The following TDRD5 variants were observed in gnomAD, a reference collection of about 807,000 sequenced individuals.
TDRD5 encodes the protein tudor domain containing 5.
A neutral mutation model predicts 120.6 loss-of-function variants in TDRD5; 41 were observed. The observed-to-expected ratio is 0.34, with a 90% confidence interval of 0.26 to 0.44. The LOEUF is 0.44. Ranked by LOEUF, TDRD5 falls within the 20% of genes least tolerant of loss-of-function variation. The pLI, the probability that TDRD5 is intolerant of heterozygous loss-of-function variation, is 1.00. For missense variants in TDRD5, 1,006 were observed against 1,221.2 expected (o/e 0.82, Z 2.63); for synonymous variants, 430 against 433.7 (o/e 0.99, Z 0.11).
chr1:179,625,604 C>G (rs1677080361), intron 6 of TDRD5, among the ~76,000 whole-genome samples: 1 of 152,160 alleles, frequency 6.6e-6, no homozygotes, highest in Non-Finnish European at 1.5e-5. Flanking sequence ...AATGTTCTTA[C>G]AATTTCTTGT....
intron 7 of TDRD5, among the ~76,000 whole-genome samples, chr1:179,632,526 A>AC (rs1019506942): frequency 3.4e-4 from 51 of 151,174 alleles, no homozygotes; most frequent in South Asian, 8.4e-4. Flanking sequence ...TATTTTATCC[A>AC]CCCCCCCAAA....
intron 17 of TDRD5, among the ~76,000 whole-genome samples, chr1:179,672,913 T>G (rs1248330082): frequency 1.3e-5 from 2 of 152,198 alleles, no homozygotes; most frequent in Non-Finnish European, 2.9e-5. Flanking sequence ...TGTAAGTATT[T>G]GGCTTTGTTT....
intron 8 of TDRD5, 96 bp from the exon 9 acceptor site, chr1:179,635,571 C>A: frequency 8.9e-7 from 1 of 1,118,860 alleles, no homozygotes. Flanking sequence ...CCAAGTGATT[C>A]TGATAAAGGT....
intron 6 of TDRD5, 71 bp downstream of exon 6, chr1:179,621,162 G>A: frequency 2.1e-6 from 3 of 1,415,624 alleles, no homozygotes; most frequent in Non-Finnish European, 2.9e-6. Context: ...GGAATTTTGT[G>A]GCTACTCCTT....
Position 179,652,110 on chromosome 1 carries a change from A to G in TDRD5, c.2073A>G (p.Thr691=), listed in dbSNP as rs1431591583. ...SSGGPEDIVL[T]ELGYPSQQHY... ...GAGGGCCAGAGGACATTGTCTTGACAGAACTGGGTTATCCTTCCCAGCAGC... is the reference window on the plus strand; with the variant it reads ...GAGGGCCAGAGGACATTGTCTTGACGGAACTGGGTTATCCTTCCCAGCAGC... Residue 691 remains threonine (T), a synonymous_variant, in exon 13 of 18, where the codon ACA becomes ACG. Coordinates refer to ENST00000444136, the MANE Select transcript of TDRD5 (RefSeq NM_001199085.3). The G allele has an allele frequency of 4.3e-6, 7 of 1,614,142 alleles. No homozygotes were observed. The highest frequency in any genetic ancestry group is 5.9e-6 in the Non-Finnish European group (7 of 1,180,018).
chr1:179,689,732 C>T (rs76496421), intron 17 of TDRD5, among the ~76,000 whole-genome samples: 3 of 152,118 alleles, frequency 2.0e-5, no homozygotes, highest in Non-Finnish European at 4.4e-5. Flanking sequence ...CTTTGGTTAC[C>T]TACTCAAACC....
intron 6 of TDRD5, among the ~76,000 whole-genome samples, chr1:179,630,026 C>T (rs965336093): frequency 4.0e-5 from 6 of 149,470 alleles, no homozygotes; most frequent in Admixed American, 6.7e-5. Context: ...GTCACCCAGG[C>T]TGGAATGCAG....
intron 14 of TDRD5, among the ~76,000 whole-genome samples, chr1:179,656,806 C>G (rs1213686262): frequency 3.3e-5 from 5 of 152,174 alleles, no homozygotes; most frequent in African/African-American, 1.2e-4. Context: ...AATCCTAGCA[C>G]TTTGGGAGGC....
chr1:179,616,427 C>A (rs1676567600), intron 4 of TDRD5, among the ~76,000 whole-genome samples: 1 of 152,090 alleles, frequency 6.6e-6, no homozygotes, highest in Non-Finnish European at 1.5e-5. Flanking sequence ...TCTCCCAGCA[C>A]CCCAGTTAAA....
intron 5 of TDRD5, 74 bp from the exon 6 acceptor site, chr1:179,620,961 G>T: frequency 6.8e-6 from 8 of 1,170,112 alleles, no homozygotes; most frequent in South Asian, 3.1e-5. Flanking sequence ...GTTGTTATTT[G>T]TTTATATTAT....
At chr1:179,662,018 C>A in intron 14 of TDRD5, 86 bp from the exon 15 acceptor site, 1 of 1,283,150 alleles carries the variant, frequency 7.8e-7, no homozygotes, top group Non-Finnish European at 1.0e-6. Flanking sequence ...TACCTGGAGT[C>A]AGGAAAAAAC....
chr1:179,634,009 A>C (rs1677611140), intron 7 of TDRD5, among the ~76,000 whole-genome samples: 1 of 151,904 alleles, frequency 6.6e-6, no homozygotes, highest in Admixed American at 6.6e-5. Flanking sequence ...GTCTCTACTA[A>C]AAATACAAGA....
intron 4 of TDRD5, among the ~76,000 whole-genome samples, chr1:179,605,777 T>C (rs1345002513): frequency 6.6e-6 from 1 of 152,164 alleles, no homozygotes; most frequent in African/African-American, 2.4e-5. Flanking sequence ...GGTTCCTTTA[T>C]GTCTTTTCAT....
At chr1:179,599,871 T>C (rs72706714) in intron 4 of TDRD5, among the ~76,000 whole-genome samples, 12,958 of 152,198 alleles carry the variant, frequency 0.085, 707 homozygotes, top group African/African-American at 0.14. Context: ...AACAACATAG[T>C]GCAATGCAAC....
intron 17 of TDRD5, among the ~76,000 whole-genome samples, chr1:179,679,067 T>C (rs10913862): frequency 0.36 from 54,672 of 152,108 alleles, 9,886 homozygotes; most frequent in Admixed American, 0.43. Context: ...TAGTTTTTAT[T>C]ATGAATCGGT....
At chr1:179,670,756 T>A (rs1405817748) in intron 17 of TDRD5, among the ~76,000 whole-genome samples, 1 of 152,240 alleles carries the variant, frequency 6.6e-6, no homozygotes, top group Non-Finnish European at 1.5e-5. Context: ...TAAATTGGGT[T>A]ATCTTCTTAC....
In TDRD5 at chr1:179,642,437, G is replaced by A. The variant is rs896293020; in HGVS notation, c.1800+1992G>A. ...TTTCTAAACTACTTCTGGCCTTAGG[G>A]CTTTTGCACATTCTAATAACTGGAA... On this transcript the variant is annotated intron_variant, in intron 11 of 17. Transcript: ENST00000444136. Among the ~76,000 whole-genome samples the A allele has an allele frequency of 4.6e-5, 7 of 152,118 alleles. No individual in the cohort carries two copies. In the Middle Eastern group the frequency reaches 0.017, roughly 372 times the overall value.
At chr1:179,626,172 C>T (rs1677120584) in intron 6 of TDRD5, among the ~76,000 whole-genome samples, 1 of 151,840 alleles carries the variant, frequency 6.6e-6, no homozygotes, top group Admixed American at 6.6e-5. Flanking sequence ...ATGTAACTAA[C>T]CTGCACAATG....
chr1:179,644,569 G>T (rs936640435), intron 11 of TDRD5, among the ~76,000 whole-genome samples: 9 of 151,926 alleles, frequency 5.9e-5, no homozygotes, highest in African/African-American at 1.7e-4. Flanking sequence ...TTAAAATGTA[G>T]TATTTATAGT....
Sources: gnomAD v4.1 joint callset for allele counts (sites outside exome capture counted in the v4.1 genomes callset) on GRCh38, gnomAD v4.1.1 for gene constraint, MANE v1.5 for transcripts, NCBI Gene and HGNC (gene_info 2026-07-23, HGNC 2026-07-21) for gene names.